Variants in PLIN4 observed in about 807,000 individuals in gnomAD.
PLIN4 encodes the protein perilipin 4, also known as perilipin-4.
Under a neutral mutation model 52.4 loss-of-function variants are expected in PLIN4, and 57 were observed. The ratio of observed to expected loss-of-function variants is 1.09; its 90% CI spans 0.88 to 1.36. The LOEUF (loss-of-function observed/expected upper bound fraction) is 1.36. Ranked by LOEUF, PLIN4 falls within the 40% of genes most tolerant of loss-of-function variation. The pLI is 0.00. For synonymous variants in PLIN4, 826 were observed against 785.4 expected, an observed-to-expected ratio of 1.05 and a Z score of -0.86; for missense variants, 1,757 against 1,770.3, an observed-to-expected ratio of 0.99 and a Z score of 0.13.
In PLIN4 at chr19:4,504,508, G is replaced by T; in HGVS notation, c.4067C>A (p.Pro1356Gln). The stretch of plus-strand genomic sequence containing the variant: ...GAAGGGCCCTACCAGCCAGCTGAGC[G>T]GGGGATTGTGCTGTAGGCCCTCCAG... The part of the protein sequence containing the change: ...QLLEGLQHNP[P>Q]LSWLVGPFAL... Residue 1356 changes from proline to glutamine, a missense_variant, in exon 8 of 8, where the codon CCG becomes CAG. Around this residue, in one of 7 missense-constraint regions of PLIN4, gnomAD observed 712 missense variants for 637.1 expected, o/e 1.12. Coordinates refer to ENST00000301286, the MANE Select transcript of PLIN4 (RefSeq NM_001367868.2). 1 of 1,600,516 alleles carries T rather than the reference G, an allele frequency of 6.2e-7. No individual in the cohort carries two copies. Among genetic ancestry groups the T allele is most frequent in the East Asian group, 2.2e-5 (1 of 44,450 alleles).
intron 6 of PLIN4, 97 bp downstream of exon 6, chr19:4,508,671 C>T (rs1289301240): frequency 3.1e-6 from 4 of 1,303,410 alleles, no homozygotes; most frequent in African/African-American, 3.0e-5. Context: ...AGCATCATCT[C>T]CTAGGTGCTC....
At chr19:4,508,487 G>A (rs1473989697) in intron 6 of PLIN4, among the ~76,000 whole-genome samples, 1 of 152,228 alleles carries the variant, frequency 6.6e-6, no homozygotes, top group South Asian at 2.1e-4. Flanking sequence ...GGCTGGTCTC[G>A]AACTCCTGAC....
Position 4,511,082 on chromosome 19 carries a change from C to T in PLIN4, c.2878G>A (p.Ala960Thr), listed in dbSNP as rs201223343. 2.3e-5 allele frequency: 37 copies of T among 1,613,442 alleles called. No homozygotes were observed. The highest frequency in any genetic ancestry group is 2.2e-4 in the East Asian group (10 of 44,870). ...ACTCCAGTAGTCACTGCATCCTTAG[C>T]GCCACTCAGCACCGTCTTGGCTGTG... Reference protein sequence around the residue: ...VDTAKTVLSGAKDAVTTGVTG... With the variant: ...VDTAKTVLSGTKDAVTTGVTG... Residue 960 changes from alanine (A) to threonine (T), a missense_variant, in exon 5 of 8, where the codon GCT becomes ACT. Around this residue, in one of 7 missense-constraint regions of PLIN4, gnomAD observed 712 missense variants for 637.1 expected, o/e 1.12. Coordinates refer to ENST00000301286, the MANE Select transcript of PLIN4 (RefSeq NM_001367868.2).
Position 4,518,307 on chromosome 19 carries a change from A to G in PLIN4, c.-17-18T>C. ...GTGAGAAGCTGGAAGGGGGCAGAGA[A>G]GGTGCGTGAATGGGGGTTCCCTAGC... On this transcript the variant is annotated intron_variant, in intron 1 of 7. Coordinates refer to ENST00000301286, the MANE Select transcript of PLIN4 (RefSeq NM_001367868.2). 8.1e-7 allele frequency: 1 copy of G among 1,232,806 alleles called. No individual in the cohort carries two copies. Among genetic ancestry groups the G allele is most frequent in the Non-Finnish European group, 1.0e-6 (1 of 988,542 alleles). The allele number at this position is 1,232,806 out of a possible 1,614,324, so 76.4% of individuals were successfully genotyped here. A position where few individuals can be genotyped will look rare whatever the true frequency, so the allele number is the denominator to read the frequency against.
Position 4,511,058 on chromosome 19 carries a change from C to T in PLIN4, c.2902G>A (p.Val968Ile). 1.2e-6 allele frequency: 2 copies of T among 1,613,370 alleles called. No individual in the cohort carries two copies. Among genetic ancestry groups the T allele is most frequent in the South Asian group, 2.2e-5 (2 of 91,076 alleles). The change falls in exon 5 of 8, where the codon GTC becomes ATC. Residue 968 changes from valine to isoleucine, a missense_variant. Val to Ile is a conservative substitution (Grantham distance 29). Around this residue, in one of 7 missense-constraint regions of PLIN4, gnomAD observed 712 missense variants for 637.1 expected, o/e 1.12. Coordinates refer to ENST00000301286, the MANE Select transcript of PLIN4 (RefSeq NM_001367868.2). The part of the protein sequence containing the change: ...SGAKDAVTTG[V>I]TGAVNVAKGT... Reference sequence around the variant, plus strand: ...TTGGCCACATTCACTGCCCCCGTGACTCCAGTAGTCACTGCATCCTTAGCG... The same window carrying T: ...TTGGCCACATTCACTGCCCCCGTGATTCCAGTAGTCACTGCATCCTTAGCG...
At chr19:4,505,070 C>T (rs55636122) in intron 6 of PLIN4, 123 bp from the exon 7 acceptor site, 18,821 of 875,734 alleles carry the variant, frequency 0.021, 350 homozygotes, top group African/African-American at 0.054. Context: ...CCACGAGTTC[C>T]AAGTCAGTTG....
At chr19:4,508,976 CTCAGTCCCG>C (rs1416611122) in intron 5 of PLIN4, 21 bp from the exon 6 acceptor site, 3 of 1,600,196 alleles carry the variant, frequency 1.9e-6, no homozygotes, top group Non-Finnish European at 2.6e-6. Flanking sequence ...AGGCGCACCG[CTCAGTCCCG>C]GAAGCCCCTC....
In PLIN4 at chr19:4,513,657, C is replaced by G. The variant is rs1195911062; in HGVS notation, c.303G>C (p.Arg101Ser). The part of the protein sequence containing the change: ...AKDLVCSKMS[R>S]AKDAVSSGVA... ...CCCCGGAGGACACGGCATCCTTGGC[C>G]CTGGACATCTTGGAACACACCAGGT... is the stretch of plus-strand genomic sequence containing the variant. Residue 101 changes from arginine to serine, a missense_variant, in exon 5 of 8, where the codon AGG becomes AGC. This residue lies in a region of PLIN4 where 332 missense variants were observed against 310.8 expected (regional missense o/e 1.07). Transcript: ENST00000301286. 6 of 1,604,372 alleles carry G rather than the reference C, an allele frequency of 3.7e-6. No individual in the cohort carries two copies. The highest frequency in any genetic ancestry group is 5.1e-6 in the Non-Finnish European group (6 of 1,175,430).
chr19:4,513,898 G>C (rs1320155417), intron 4 of PLIN4, among the ~76,000 whole-genome samples, 197 bp from the exon 5 acceptor site: 3 of 152,150 alleles, frequency 2.0e-5, no homozygotes, highest in Admixed American at 2.0e-4. Flanking sequence ...CTGTGGTGTG[G>C]CACCCTGGCT....
chr19:4,507,063 C>G (rs1448598652), intron 6 of PLIN4, among the ~76,000 whole-genome samples: 2 of 152,246 alleles, frequency 1.3e-5, no homozygotes, highest in Non-Finnish European at 2.9e-5. Flanking sequence ...GTTGTGACAA[C>G]CACAGATGTC....
rs1323811133 is a variant in PLIN4 at position 4,504,935 on chromosome 19, G to A, written c.3715C>T (p.Gln1239Ter). 1.9e-6 allele frequency: 3 copies of A among 1,604,494 alleles called. No homozygotes were observed. The highest frequency in any genetic ancestry group is 1.1e-5 in the South Asian group (1 of 89,304). The change falls in exon 7 of 8, where the codon CAG (glutamine) becomes TAG (stop). Residue 1239 changes from glutamine to a stop codon, truncating the protein, a stop_gained. Transcript: ENST00000301286. LOFTEE classifies it high-confidence loss of function. ...QDCFRLIEKAQQAPEGQPRLD... is the reference protein window; with the variant it reads ...QDCFRLIEKA ...CGTGGCTGCCCTTCTGGAGCCTGCTGGGCCTTTTCAATCTGGAGAGAGAGT... is the reference window on the plus strand; with the variant it reads ...CGTGGCTGCCCTTCTGGAGCCTGCTAGGCCTTTTCAATCTGGAGAGAGAGT...
chr19:4,508,075 G>A (rs116833427), intron 6 of PLIN4, among the ~76,000 whole-genome samples: 9,053 of 152,178 alleles, frequency 0.059, 324 homozygotes, highest in Non-Finnish European at 0.08. Context: ...CAGCCACAGC[G>A]CCGCCTTTCC....
At chr19:4,505,455 G>A (rs954883765) in intron 6 of PLIN4, among the ~76,000 whole-genome samples, 1 of 152,208 alleles carries the variant, frequency 6.6e-6, no homozygotes, top group Non-Finnish European at 1.5e-5. Flanking sequence ...AGCTCCAGGT[G>A]ACCCTTGGTG....
At chr19:4,516,473 A>G in intron 4 of PLIN4, 144 bp downstream of exon 4, 1 of 963,584 alleles carries the variant, frequency 1.0e-6, no homozygotes, top group Non-Finnish European at 1.5e-6. Flanking sequence ...GCCTTCCCTC[A>G]GGCCCACAGC....
intron 6 of PLIN4, among the ~76,000 whole-genome samples, chr19:4,507,493 G>A (rs1976130268): frequency 6.6e-6 from 1 of 152,160 alleles, no homozygotes; most frequent in South Asian, 2.1e-4. Flanking sequence ...GACCAGCCTG[G>A]GCAACATAGC....
chr19:4,505,543 G>A (rs757300443), intron 6 of PLIN4, among the ~76,000 whole-genome samples: 1 of 152,142 alleles, frequency 6.6e-6, no homozygotes, highest in Non-Finnish European at 1.5e-5. Context: ...CACAGCGTGC[G>A]GCTTTGGTGT....
intron 4 of PLIN4, among the ~76,000 whole-genome samples, chr19:4,514,026 C>T (rs1420719963): frequency 1.3e-5 from 2 of 152,258 alleles, no homozygotes; most frequent in African/African-American, 4.8e-5. Flanking sequence ...TGGACTCAGC[C>T]AGGGTCCCCA....
chr19:4,506,024 G>A lies in PLIN4; in HGVS notation c.3703-1077C>T, dbSNP rs962975520. On this transcript the variant is annotated intron_variant, in intron 6 of 7. Transcript: ENST00000301286. ...CCCAGCTACTTCTCACCACCACAGC[G>A]TGACTCCTGAGGCCCGGCAGCACTT... Among the ~76,000 whole-genome samples the A allele has an allele frequency of 8.5e-5, 13 of 152,200 alleles. No homozygotes were observed. The East Asian group carries it at 9.7e-4, about 11-fold the overall frequency.
chr19:4,513,480 G>A lies in PLIN4; in HGVS notation c.480C>T (p.Thr160=), dbSNP rs1568236043. Residue 160 remains threonine (T), a synonymous_variant, in exon 5 of 8, where the codon ACC becomes ACT. Coordinates refer to ENST00000301286, the MANE Select transcript of PLIN4 (RefSeq NM_001367868.2). The part of the protein sequence containing the change: ...AKGAVQGGLD[T]SKAVLTGTKD... ...TGGTGCCGGTGAGGACAGCCTTCGAGGTGTCCAGACCCCCTTGGACGGCCC... is the reference window on the plus strand; with the variant it reads ...TGGTGCCGGTGAGGACAGCCTTCGAAGTGTCCAGACCCCCTTGGACGGCCC... 4 of 1,613,034 alleles carry A rather than the reference G, an allele frequency of 2.5e-6. No homozygotes were observed. The highest frequency in any genetic ancestry group is 1.3e-5 in the African/African-American group (1 of 74,842).
Sources: gnomAD v4.1 joint callset for allele counts (sites outside exome capture counted in the v4.1 genomes callset) on GRCh38, gnomAD v4.1.1 for gene constraint, gnomAD v4.1.1 regional missense constraint, MANE v1.5 for transcripts, NCBI Gene and HGNC (gene_info 2026-07-23, HGNC 2026-07-21) for gene names.